MAD1L1: variants seen among roughly 807,000 people sequenced by gnomAD.
MAD1L1 encodes mitotic arrest deficient 1 like 1.
A neutral mutation model predicts 96.9 loss-of-function variants in MAD1L1; 95 were observed. The observed-to-expected ratio is 0.98, with a 90% confidence interval of 0.83 to 1.16. MAD1L1 has a LOEUF of 1.16. Among genes scored for constraint, MAD1L1 ranks in the 50% most tolerant of loss-of-function variants. The pLI, the probability that MAD1L1 is intolerant of heterozygous loss-of-function variation, is 0.00. For synonymous variants in MAD1L1, 473 were observed against 396.6 expected, an observed-to-expected ratio of 1.19 and a Z score of -2.29; for missense variants, 1,007 against 954.4, an observed-to-expected ratio of 1.06 and a Z score of -0.73.
At chr7:2,040,274 C>A (rs1380670108) in intron 12 of MAD1L1, among the ~76,000 whole-genome samples, 1 of 152,244 alleles carries the variant, frequency 6.6e-6, no homozygotes, top group Non-Finnish European at 1.5e-5. Flanking sequence ...TTTGAAGACG[C>A]TGCCTGCTGC....
intron 12 of MAD1L1, among the ~76,000 whole-genome samples, chr7:2,036,268 C>A: frequency 9.3e-6 from 1 of 106,996 alleles, no homozygotes; most frequent in African/African-American, 3.8e-5. Flanking sequence ...CAAGTCGGGA[C>A]AGAGCTGGGG....
intron 11 of MAD1L1, among the ~76,000 whole-genome samples, chr7:2,101,365 T>G (rs111666148): frequency 7.6e-4 from 37 of 48,482 alleles, no homozygotes; most frequent in South Asian, 1.4e-3. Context: ...GTGGGTGGCA[T>G]GAGACTGGGG....
rs1794117778 is a variant in MAD1L1 at position 2,230,096 on chromosome 7, G to C, written c.38C>G (p.Thr13Ser). The C allele has an allele frequency of 1.2e-6, 2 of 1,608,362 alleles. No individual in the cohort carries two copies. The highest frequency in any genetic ancestry group is 4.5e-5 in the East Asian group (2 of 44,752). The stretch of plus-strand genomic sequence containing the variant: ...GATGAAGTTGTTCAAAGATCTCAGG[G>C]TGGATAAAACCATGGTGTTTTCCCC... ...DLGENTMVLS[T>S]LRSLNNFISQ... is the part of the protein sequence containing the mutation. The change falls in exon 3 of 19, where the codon ACC (threonine) becomes AGC (serine). Residue 13 changes from threonine to serine, a missense_variant. Transcript: ENST00000265854.
At chr7:1,834,079 C>A (rs1437157116) in intron 18 of MAD1L1, among the ~76,000 whole-genome samples, 5 of 151,958 alleles carry the variant, frequency 3.3e-5, no homozygotes, top group Admixed American at 6.5e-5. Flanking sequence ...TCTAAATAAC[C>A]CATACGTCAA....
At chr7:2,125,693 G>A (rs1366814057) in intron 11 of MAD1L1, among the ~76,000 whole-genome samples, 3 of 152,188 alleles carry the variant, frequency 2.0e-5, no homozygotes, top group African/African-American at 7.2e-5. Context: ...CAGGCGCCCA[G>A]ACACCAAGCA....
intron 15 of MAD1L1, among the ~76,000 whole-genome samples, chr7:1,971,389 T>G (rs548730305): frequency 3.1e-4 from 47 of 152,208 alleles, no homozygotes; most frequent in Non-Finnish European, 5.6e-4. Flanking sequence ...TTCACCTTCA[T>G]TCTCACTAGG....
At chr7:1,972,685 G>A (rs551681677) in intron 15 of MAD1L1, among the ~76,000 whole-genome samples, 1 of 151,256 alleles carries the variant, frequency 6.6e-6, no homozygotes, top group East Asian at 1.9e-4. Context: ...TTTTGCTCAT[G>A]TTATTTCCTT....
intron 18 of MAD1L1, among the ~76,000 whole-genome samples, chr7:1,888,822 G>T (rs373670638): frequency 1.3e-5 from 2 of 152,330 alleles, no homozygotes; most frequent in East Asian, 3.9e-4. Flanking sequence ...TGCATGCGTG[G>T]GCATGTATTT....
chr7:1,890,859 C>T (rs528621130), intron 18 of MAD1L1, among the ~76,000 whole-genome samples: 2 of 152,338 alleles, frequency 1.3e-5, no homozygotes, highest in African/African-American at 4.8e-5. Flanking sequence ...CTGTCTGACG[C>T]CCATGTTCTC....
Position 1,956,604 on chromosome 7 carries a change from C to T in MAD1L1, c.1596+1025G>A, listed in dbSNP as rs535528563. Among the ~76,000 whole-genome samples, 581 of 151,316 alleles carry T rather than the reference C, an allele frequency of 3.8e-3. 4 individuals are homozygous for T. The highest frequency in any genetic ancestry group is 0.014 in the African/African-American group (572 of 41,120). On this transcript the variant is annotated intron_variant, in intron 16 of 18. Transcript: ENST00000265854. Reference sequence around the variant, plus strand: ...GGCAGAGCCCCCACCCCTCCAAGGCCCTGGCAGAGCTCAGGAGAGGGTCAC... The same window carrying T: ...GGCAGAGCCCCCACCCCTCCAAGGCTCTGGCAGAGCTCAGGAGAGGGTCAC...
rs905925978 is a variant in MAD1L1, at chr7:2,119,740, C to G, written c.1073+29412G>C. The stretch of plus-strand genomic sequence containing the variant: ...AGAGCCTGCCAGTCCAGCAGGGGAC[C>G]CCTCAGCACAGTCCTGGCTGCACCC... On this transcript the variant is annotated intron_variant, in intron 11 of 18. Coordinates refer to ENST00000265854, the MANE Select transcript of MAD1L1 (RefSeq NM_001013836.2). The surrounding 1 kb of genome is among the most constrained non-coding windows in gnomAD (Gnocchi z 4.6). 6.6e-6 allele frequency among the ~76,000 whole-genome samples: 1 copy of G among 152,132 alleles called. No individual in the cohort carries two copies. The highest frequency in any genetic ancestry group is 2.4e-5 in the African/African-American group (1 of 41,404).
chr7:2,183,910 A>AAAAAAT (rs199709421), intron 10 of MAD1L1, among the ~76,000 whole-genome samples: 7 of 151,906 alleles, frequency 4.6e-5, no homozygotes, highest in Non-Finnish European at 5.9e-5. Context: ...AATAATAATA[A>AAAAAAT]AAAAATAAAA....
rs149774493 is a variant in MAD1L1, at chr7:2,163,957, T to C, written c.987-14719A>G. ...TAAAGAGGCAGCAGAGTTAACACCT[T>C]AGTGTCTGCAGTCAGTCAAGCACTC... On this transcript the variant is annotated intron_variant, in intron 10 of 18. Coordinates refer to ENST00000265854, the MANE Select transcript of MAD1L1 (RefSeq NM_001013836.2). Among the ~76,000 whole-genome samples, 198 of 152,136 alleles carry C rather than the reference T, an allele frequency of 1.3e-3. 1 individual carries two copies. The highest frequency in any genetic ancestry group is 4.5e-3 in the African/African-American group (185 of 41,504).
At position 2,119,156 on chromosome 7, in the gene MAD1L1, G is replaced by A. The variant is rs1279103549; in HGVS notation, c.1073+29996C>T. On this transcript the variant is annotated intron_variant, in intron 11 of 18. Coordinates refer to ENST00000265854, the MANE Select transcript of MAD1L1 (RefSeq NM_001013836.2). This position sits in a 1 kb window ranked among gnomAD's most constrained non-coding sequence, Gnocchi z 4.6. ...GTTTCCACAAAGCAAGAAGGTTCAGGCCAGGCAGCCTGGACTCCTGCTGTG... is the reference window on the plus strand; with the variant it reads ...GTTTCCACAAAGCAAGAAGGTTCAGACCAGGCAGCCTGGACTCCTGCTGTG... Among the ~76,000 whole-genome samples the A allele has an allele frequency of 6.6e-6, 1 of 152,078 alleles. No homozygotes were observed. Among genetic ancestry groups the A allele is most frequent in the East Asian group, 1.9e-4 (1 of 5,178 alleles).
chr7:1,938,313 C>T (rs992192801), intron 16 of MAD1L1, among the ~76,000 whole-genome samples: 6 of 152,208 alleles, frequency 3.9e-5, no homozygotes, highest in Admixed American at 1.3e-4. Flanking sequence ...CCTGAGACCC[C>T]GACCTCACAT....
chr7:2,117,864 T>C lies in MAD1L1; in HGVS notation c.1073+31288A>G, dbSNP rs141629600. 3.4e-4 allele frequency among the ~76,000 whole-genome samples: 52 copies of C among 152,252 alleles called. 2 individuals are homozygous for C. The East Asian group carries it at 8.5e-3, about 25-fold the overall frequency. On this transcript the variant is annotated intron_variant, in intron 11 of 18. Transcript: ENST00000265854. ...GAAGCACCCAACCATGAAGTGTGTG[T>C]ATCCACAGGGCCCCACTGGCCTTTG... is the stretch of plus-strand genomic sequence containing the variant.
intron 12 of MAD1L1, among the ~76,000 whole-genome samples, chr7:2,034,423 C>G (rs1584141314): frequency 1.3e-5 from 2 of 152,062 alleles, no homozygotes; most frequent in African/African-American, 4.8e-5. Context: ...CACCGTGTTG[C>G]CCAGGCTGGT....
intron 18 of MAD1L1, among the ~76,000 whole-genome samples, chr7:1,822,389 T>C (rs1782170604): frequency 6.6e-6 from 1 of 151,440 alleles, no homozygotes; most frequent in Admixed American, 6.6e-5. Context: ...TTTTCCAAAA[T>C]TGATCTTTGG....
At chr7:1,989,501 G>A (rs1050728008) in intron 14 of MAD1L1, among the ~76,000 whole-genome samples, 4 of 152,242 alleles carry the variant, frequency 2.6e-5, no homozygotes, top group Admixed American at 1.3e-4. Context: ...AGCCCTCGGC[G>A]GCGGGAGCCG....
Sources: allele counts gnomAD v4.1 joint callset (sites outside exome capture counted in the v4.1 genomes callset), GRCh38; gene constraint gnomAD v4.1.1; non-coding constraint Gnocchi (gnomAD v3.1); transcripts MANE v1.5; gene names NCBI Gene and HGNC (gene_info 2026-07-23, HGNC 2026-07-21).